TAFA5: variants seen among roughly 807,000 people sequenced by gnomAD.
TAFA5 encodes the protein chemokine-like protein TAFA-5.
A neutral mutation model predicts 15.3 loss-of-function variants in TAFA5; 6 were observed. The ratio of observed to expected loss-of-function variants is 0.39; its 90% CI spans 0.21 to 0.77. TAFA5 has a LOEUF of 0.77. Ranked by LOEUF, TAFA5 falls within the 30% of genes least tolerant of loss-of-function variation. The probability of loss-of-function intolerance (pLI) is 0.41; values close to 1 mark genes in which losing one functional copy is unlikely to be tolerated. For missense variants in TAFA5, 161 were observed against 193.1 expected, an observed-to-expected ratio of 0.83 and a Z score of 0.98; for synonymous variants, 103 against 80.7, an observed-to-expected ratio of 1.28 and a Z score of -1.48.
At chr22:48,567,528 C>T (rs779358202) in intron 1 of TAFA5, among the ~76,000 whole-genome samples, 3 of 152,192 alleles carry the variant, frequency 2.0e-5, no homozygotes, top group Admixed American at 6.5e-5. Context: ...AGAGTCCCTG[C>T]GGTTGCTGTG....
rs564673297 is a variant in TAFA5 at position 48,549,978 on chromosome 22, C to T, written c.112+60274C>T. ...GATTTCCTTGCAATGATGCACTCAT[C>T]CCTGAGGCCACCCTGTCAGGTACTG... On this transcript the variant is annotated intron_variant, in intron 1 of 3. Transcript: ENST00000402357. 4.6e-5 allele frequency among the ~76,000 whole-genome samples: 7 copies of T among 152,352 alleles called. No homozygotes were observed. The South Asian group carries it at 1.4e-3, about 32-fold the overall frequency.
In TAFA5 at chr22:48,750,008, C is replaced by A. The variant is rs570647257; in HGVS notation, c.*161C>A. 22 of 718,858 alleles carry A rather than the reference C, an allele frequency of 3.1e-5. No individual in the cohort carries two copies. In the African/African-American group the frequency reaches 3.7e-4, roughly 12 times the overall value. The allele number at this position is 718,858 out of a possible 1,614,324, so 44.5% of individuals were successfully genotyped here. On this transcript the variant is annotated 3_prime_UTR_variant, in exon 4 of 4. Coordinates refer to ENST00000402357, the MANE Select transcript of TAFA5 (RefSeq NM_001082967.3). Reference sequence around the variant, plus strand: ...AAGGACGGCCTCAGGCCTTGGCATCCTGAGCTTCGGTCTGTCCAGCCGACC... The same window carrying A: ...AAGGACGGCCTCAGGCCTTGGCATCATGAGCTTCGGTCTGTCCAGCCGACC...
chr22:48,549,645 C>T (rs1367764077), intron 1 of TAFA5, among the ~76,000 whole-genome samples: 2 of 152,230 alleles, frequency 1.3e-5, no homozygotes, highest in African/African-American at 4.8e-5. Flanking sequence ...GCCTATCCTG[C>T]TTTTGGAGAT....
intron 1 of TAFA5, among the ~76,000 whole-genome samples, chr22:48,644,235 G>GGGGACCAGGGTTTTGCTCATCGT (rs1333507652): frequency 1.3e-5 from 2 of 152,198 alleles, no homozygotes; most frequent in Non-Finnish European, 2.9e-5. Context: ...GCCCCGAGCG[G>GGGGACCAGGGTTTTGCTCATCGT]GGGACCAGGG....
At chr22:48,517,689 C>A (rs773071109) in intron 1 of TAFA5, among the ~76,000 whole-genome samples, 1 of 152,136 alleles carries the variant, frequency 6.6e-6, no homozygotes, top group Non-Finnish European at 1.5e-5. Context: ...GCATGGGGCA[C>A]GCACAGACCT....
At chr22:48,677,285 G>T (rs1238090862) in intron 2 of TAFA5, among the ~76,000 whole-genome samples, 10 of 152,244 alleles carry the variant, frequency 6.6e-5, no homozygotes, top group Non-Finnish European at 1.3e-4. Context: ...GCAGGACCCT[G>T]CCCGCCCGCT....
At chr22:48,618,459 C>G (rs1301230946) in intron 1 of TAFA5, among the ~76,000 whole-genome samples, 1 of 152,238 alleles carries the variant, frequency 6.6e-6, no homozygotes, top group Non-Finnish European at 1.5e-5. Flanking sequence ...GATTTACTTG[C>G]TCATAAAGTT....
chr22:48,722,241 G>C (rs147178401), intron 3 of TAFA5, among the ~76,000 whole-genome samples: 2 of 152,142 alleles, frequency 1.3e-5, no homozygotes, highest in African/African-American at 4.8e-5. Context: ...TCTAATTGGC[G>C]TGAGGTGGTA....
intron 2 of TAFA5, among the ~76,000 whole-genome samples, chr22:48,695,228 A>G (rs934332941): frequency 6.6e-6 from 1 of 151,956 alleles, no homozygotes; most frequent in African/African-American, 2.4e-5. Context: ...TCCTTTTCCC[A>G]TGCTGTTGAT....
At chr22:48,713,431 G>A (rs187906287) in intron 3 of TAFA5, among the ~76,000 whole-genome samples, 269 of 152,318 alleles carry the variant, frequency 1.8e-3, no homozygotes, top group African/African-American at 6.2e-3. Flanking sequence ...CTGGTGGCCC[G>A]GCCAGCAGCC....
chr22:48,558,843 C>T (rs6007884), intron 1 of TAFA5, among the ~76,000 whole-genome samples: 5,164 of 152,338 alleles, frequency 0.034, 120 homozygotes, highest in Non-Finnish European at 0.049. Context: ...CCTGGGCGAA[C>T]GGCGGGCCCA....
intron 1 of TAFA5, among the ~76,000 whole-genome samples, chr22:48,516,458 G>C (rs1384352021): frequency 6.6e-6 from 1 of 152,146 alleles, no homozygotes; most frequent in Non-Finnish European, 1.5e-5. Context: ...ACCATCGTCT[G>C]TGACATTCGC....
chr22:48,587,717 C>T (rs1924411511), intron 1 of TAFA5, among the ~76,000 whole-genome samples: 2 of 152,232 alleles, frequency 1.3e-5, no homozygotes. Flanking sequence ...CCCCACTTCC[C>T]CGGCCCTCAC....
At chr22:48,651,525 G>T (rs1927053165) in intron 2 of TAFA5, among the ~76,000 whole-genome samples, 1 of 152,158 alleles carries the variant, frequency 6.6e-6, no homozygotes, top group Non-Finnish European at 1.5e-5. Context: ...GGTGGGCACT[G>T]CCGGGTTCTG....
At chr22:48,671,710 G>T (rs1313403893) in intron 2 of TAFA5, among the ~76,000 whole-genome samples, 1 of 152,124 alleles carries the variant, frequency 6.6e-6, no homozygotes, top group Non-Finnish European at 1.5e-5. Flanking sequence ...CTCCAGTCCT[G>T]GAAACACAAG....
At chr22:48,574,252 T>C (rs1923682440) in intron 1 of TAFA5, among the ~76,000 whole-genome samples, 1 of 152,000 alleles carries the variant, frequency 6.6e-6, no homozygotes, top group Admixed American at 6.6e-5. Context: ...GTGAGAGGAG[T>C]TGGATGGGAC....
rs185122133 is a variant in TAFA5, at chr22:48,633,006, C to T, written c.113-13591C>T. Among the ~76,000 whole-genome samples the T allele has an allele frequency of 3.0e-3, 456 of 152,302 alleles. 4 individuals are homozygous for T. The highest frequency in any genetic ancestry group is 0.011 in the African/African-American group (443 of 41,578). ...TGCTCACAGCCGTCCTCAGTCCTGG[C>T]CCCTGGCGCCCTGTGGGACAGGAGT... On this transcript the variant is annotated intron_variant, in intron 1 of 3. Transcript: ENST00000402357.
intron 1 of TAFA5, among the ~76,000 whole-genome samples, chr22:48,533,200 G>A (rs1922031174): frequency 2.0e-5 from 3 of 152,152 alleles, no homozygotes; most frequent in Admixed American, 6.5e-5. Context: ...GAAGGGTGAG[G>A]GGACCGGCGG....
At chr22:48,720,282 C>T (rs1929531287) in intron 3 of TAFA5, among the ~76,000 whole-genome samples, 1 of 152,092 alleles carries the variant, frequency 6.6e-6, no homozygotes, top group African/African-American at 2.4e-5. Context: ...CTTTTCCCTG[C>T]CCTTGCTTCC....
Sources: gnomAD v4.1 joint callset for allele counts (sites outside exome capture counted in the v4.1 genomes callset) on GRCh38, gnomAD v4.1.1 for gene constraint, MANE v1.5 for transcripts, NCBI Gene and HGNC (gene_info 2026-07-23, HGNC 2026-07-21) for gene names.